Variants in NIN observed in about 807,000 individuals in gnomAD.
NIN encodes the protein ninein, also known as glycogen synthase kinase 3 beta-interacting protein.
NIN carries 137 observed loss-of-function variants against 257.6 expected under a neutral mutation model. The observed-to-expected ratio is 0.53, with a 90% CI of 0.46 to 0.61. The LOEUF is 0.61. NIN is among the 20% of genes least tolerant of loss of function. NIN has a pLI of 0.00. For synonymous variants in NIN, 918 were observed against 919.8 expected (o/e 1.00, Z 0.04); for missense variants, 2,439 against 2,501.2 (o/e 0.98, Z 0.53).
intron 2 of NIN, among the ~76,000 whole-genome samples, chr14:50,829,635 A>C (rs536491766): frequency 4.1e-4 from 62 of 152,364 alleles, no homozygotes; most frequent in Admixed American, 2.9e-3. Context: ...ACACCAGGAG[A>C]GGATCTGTCC....
In NIN at chr14:50,727,740, C is replaced by T. The variant is rs541570467; in HGVS notation, c.6079-1674G>A. 15 of 1,426,558 alleles carry T rather than the reference C, an allele frequency of 1.1e-5. No homozygotes were observed. The East Asian group carries it at 2.3e-4, about 21-fold the overall frequency. The allele number at this position is 1,426,558 out of a possible 1,614,324, so 88.4% of individuals were successfully genotyped here. On this transcript the variant is annotated intron_variant, in intron 29 of 30. Coordinates refer to ENST00000530997, the MANE Select transcript of NIN (RefSeq NM_020921.4). ...AATCTGCGTGCACTGCTCGCTGCTC[C>T]GGTAGCAAGGCCTAGAGAAAGAAGG...
chr14:50,727,880 C>G (rs544683451), intron 29 of NIN: 1 of 592,968 alleles, frequency 1.7e-6, no homozygotes, highest in Non-Finnish European at 2.8e-6. Context: ...CATAGGCAAG[C>G]AAAGCAACAC....
At chr14:50,752,840 T>C (rs909801075) in intron 20 of NIN, 107 bp from the exon 21 acceptor site, 1 of 589,424 alleles carries the variant, frequency 1.7e-6, no homozygotes, top group Non-Finnish European at 2.9e-6. Context: ...TTATATAAAG[T>C]TTAAAATATA....
chr14:50,809,275 A>G (rs2044473394), intron 3 of NIN, among the ~76,000 whole-genome samples: 1 of 152,208 alleles, frequency 6.6e-6, no homozygotes. Context: ...GCTAATAGCC[A>G]TGAGAGTGAC....
intron 4 of NIN, among the ~76,000 whole-genome samples, chr14:50,801,729 T>C (rs537452032): frequency 7.0e-4 from 107 of 152,322 alleles, no homozygotes; most frequent in Non-Finnish European, 1.3e-3. Flanking sequence ...TTCTTCAAAA[T>C]ATAAAGAAAA....
intron 2 of NIN, chr14:50,823,352 C>G (rs1391080786): frequency 1.9e-6 from 1 of 525,038 alleles, no homozygotes; most frequent in Non-Finnish European, 3.8e-6. Flanking sequence ...AAAAAAGCAG[C>G]AGCTTTCACT....
chr14:50,730,867 G>A, intron 28 of NIN: 1 of 1,270,852 alleles, frequency 7.9e-7, no homozygotes, highest in Non-Finnish European at 1.0e-6. Flanking sequence ...ACATGAGCAA[G>A]GGGTTTAATG....
intron 12 of NIN, among the ~76,000 whole-genome samples, chr14:50,768,098 C>G (rs990461767): frequency 7.5e-6 from 1 of 132,524 alleles, no homozygotes; most frequent in Non-Finnish European, 1.7e-5. Context: ...CACACACACA[C>G]AGACGTGCCA....
chr14:50,831,320 G>T (rs1595973614), upstream of NIN, among the ~76,000 whole-genome samples: 1 of 152,078 alleles, frequency 6.6e-6, no homozygotes, highest in South Asian at 2.1e-4. Flanking sequence ...TCCGAGATCT[G>T]AAGTTAGAAA....
chr14:50,766,218 T>G (rs2042480400), intron 14 of NIN, 89 bp downstream of exon 14: 1 of 936,434 alleles, frequency 1.1e-6, no homozygotes, highest in Non-Finnish European at 1.7e-6. Flanking sequence ...ATGAAGTGAC[T>G]TGCTTAGGGT....
intron 29 of NIN, chr14:50,726,270 T>C (rs779077541): frequency 1.0e-5 from 5 of 490,588 alleles, no homozygotes; most frequent in Non-Finnish European, 1.8e-5. Context: ...AGGATCAGAC[T>C]GAAAAATCAA....
At position 50,773,050 on chromosome 14, in the gene NIN, T is replaced by G. The variant is rs750289037; in HGVS notation, c.712A>C (p.Ser238Arg). The G allele has an allele frequency of 1.9e-6, 3 of 1,612,990 alleles. No individual in the cohort carries two copies. In the East Asian group the frequency reaches 6.7e-5, roughly 36 times the overall value. Reference sequence around the variant, plus strand: ...AAACCATAGAAAAAATCTTCTACACTCATTGTACCGTCAGGATCAAGATTA... The same window carrying G: ...AAACCATAGAAAAAATCTTCTACACGCATTGTACCGTCAGGATCAAGATTA... ...FHNLDPDGTM[S>R]VEDFFYGLFK... Residue 238 changes from serine to arginine, a missense_variant, in exon 8 of 31, where the codon AGT (serine) becomes CGT (arginine). This residue lies in a region of NIN where 387 missense variants were observed against 427.3 expected (regional missense o/e 0.91). Coordinates refer to ENST00000530997, the MANE Select transcript of NIN (RefSeq NM_020921.4).
At chr14:50,744,419 A>C in intron 22 of NIN, 54 bp from the exon 23 acceptor site, 1 of 1,586,724 alleles carries the variant, frequency 6.3e-7, no homozygotes, top group Non-Finnish European at 8.6e-7. Context: ...CTGTAAGTAC[A>C]AAGGGGTATT....
At chr14:50,759,812 G>A (rs371775855) in intron 17 of NIN, 45 bp downstream of exon 17, 4 of 1,558,932 alleles carry the variant, frequency 2.6e-6, no homozygotes, top group African/African-American at 1.4e-5. Context: ...CTAATGCCCC[G>A]AGGGATGGTG....
In NIN at chr14:50,758,432, G is replaced by A. The variant is rs2042133578; in HGVS notation, c.2598C>T (p.Thr866=). Residue 866 remains threonine (T), a synonymous_variant, in exon 18 of 31, where the codon ACC becomes ACT. Coordinates refer to ENST00000530997, the MANE Select transcript of NIN (RefSeq NM_020921.4). ...GCTCCTGGGCTTCCGCACACTCCTGGGTGAGCTCGTCCTTCTCAAATTCCC... is the reference window on the plus strand; with the variant it reads ...GCTCCTGGGCTTCCGCACACTCCTGAGTGAGCTCGTCCTTCTCAAATTCCC... The part of the protein sequence containing the change: ...SQWEFEKDEL[T]QECAEAQELL... 6.2e-7 allele frequency: 1 copy of A among 1,614,098 alleles called. No homozygotes were observed. The highest frequency in any genetic ancestry group is 2.2e-5 in the East Asian group (1 of 44,882).
At chr14:50,799,734 C>A (rs962736991) in intron 4 of NIN, among the ~76,000 whole-genome samples, 3 of 152,124 alleles carry the variant, frequency 2.0e-5, no homozygotes, top group African/African-American at 7.2e-5. Flanking sequence ...GTAATCCCAG[C>A]ACTTTGCGAG....
intron 9 of NIN, among the ~76,000 whole-genome samples, chr14:50,771,763 A>C (rs933954457): frequency 1.2e-4 from 19 of 152,242 alleles, no homozygotes; most frequent in African/African-American, 4.6e-4. Context: ...AGGCATGCGG[A>C]TCATTTGAGG....
intron 3 of NIN, among the ~76,000 whole-genome samples, chr14:50,811,784 G>C (rs999731318): frequency 2.0e-5 from 3 of 151,846 alleles, no homozygotes; most frequent in Non-Finnish European, 2.9e-5. Context: ...CACAAGGTCA[G>C]GAGATCGAGA....
intron 5 of NIN, among the ~76,000 whole-genome samples, chr14:50,780,945 G>A (rs1208668214): frequency 6.6e-6 from 1 of 152,144 alleles, no homozygotes; most frequent in East Asian, 1.9e-4. Context: ...TGGGGATGGG[G>A]AGCAAGTGGT....
Sources: gnomAD v4.1 joint callset for allele counts (sites outside exome capture counted in the v4.1 genomes callset) on GRCh38, gnomAD v4.1.1 for gene constraint, gnomAD v4.1.1 regional missense constraint, MANE v1.5 for transcripts, NCBI Gene and HGNC (gene_info 2026-07-23, HGNC 2026-07-21) for gene names.